NOXO1: variants seen among roughly 807,000 people sequenced by gnomAD.
NOXO1 encodes NADPH oxidase organizer 1.
NOXO1 carries 38 observed loss-of-function variants against 33.3 expected under a neutral mutation model. The ratio of observed to expected loss-of-function variants is 1.14; its 90% CI spans 0.88 to 1.50. The LOEUF is 1.50. Ranked by LOEUF, NOXO1 falls within the 40% of genes most tolerant of loss-of-function variation. NOXO1 has a pLI of 0.00. For synonymous variants in NOXO1, 302 were observed against 237.3 expected (o/e 1.27, Z -2.51); for missense variants, 675 against 527.1 (o/e 1.28, Z -2.75).
In NOXO1 at chr16:1,979,191, A is replaced by G. The variant is rs1405506772; in HGVS notation, c.977T>C (p.Val326Ala). ...GGCGCCCGGCGAAGGTCGGGTGGGC[A>G]CGGTGGGGGGAGGGGCGGTGGCCTG... ...PSQATAPPPT[V>A]PTRPSPGAIQ... Residue 326 changes from valine (V) to alanine (A), a missense_variant, in exon 8 of 8, where the codon GTG (valine) becomes GCG (alanine). Val to Ala is a moderately conservative substitution (Grantham distance 64). Coordinates refer to ENST00000356120, the MANE Select transcript of NOXO1 (RefSeq NM_172167.3). 1.4e-5 allele frequency: 21 copies of G among 1,453,576 alleles called. No homozygotes were observed. The highest frequency in any genetic ancestry group is 1.9e-5 in the Non-Finnish European group (21 of 1,109,736). The allele number at this position is 1,453,576 out of a possible 1,614,324, so 90.0% of individuals were successfully genotyped here. A position where few individuals can be genotyped will look rare whatever the true frequency, so the allele number is the denominator to read the frequency against.
Position 1,979,406 on chromosome 16 carries a change from C to T in NOXO1, c.818+19G>A, listed in dbSNP as rs748459319. 4.4e-6 allele frequency: 7 copies of T among 1,603,018 alleles called. No homozygotes were observed. In the African/African-American group the frequency reaches 9.4e-5, roughly 21 times the overall value. ...CCCGCCTCGGCTAGCCTGCCCTGCC[C>T]ACGCCCGCTCCCGCGTACCTGCATA... On this transcript the variant is annotated intron_variant, in intron 7 of 7. Coordinates refer to ENST00000356120, the MANE Select transcript of NOXO1 (RefSeq NM_172167.3).
At position 1,980,390 on chromosome 16, in the gene NOXO1, C is replaced by T; in HGVS notation, c.378G>A (p.Leu126=). ...ACCTGCCGGGTGGCAGCGCGGGCTC[C>T]AGGTCCAGGGGTTGCGGTGCGAAGA... ...TGFFAPQPLD[L]EPALPPGSRV... The change falls in exon 4 of 8, where the codon CTG becomes CTA. Residue 126 remains leucine (L), a synonymous_variant. Coordinates refer to ENST00000356120, the MANE Select transcript of NOXO1 (RefSeq NM_172167.3). The T allele has an allele frequency of 6.2e-7, 1 of 1,602,478 alleles. No individual in the cohort carries two copies.
chr16:1,981,286 C>G lies in NOXO1; in HGVS notation c.-107G>C. On this transcript the variant is annotated 5_prime_UTR_variant, in exon 1 of 8. Transcript: ENST00000356120. ...CCAGAAAACCCCCTGGGATAGAATCCTGGCAACACCTCAAGCCTGTGGGGT... is the reference window on the plus strand; with the variant it reads ...CCAGAAAACCCCCTGGGATAGAATCGTGGCAACACCTCAAGCCTGTGGGGT... The G allele has an allele frequency of 3.3e-6, 5 of 1,524,458 alleles. No individual in the cohort carries two copies. The highest frequency in any genetic ancestry group is 4.4e-6 in the Non-Finnish European group (5 of 1,138,090). The allele number at this position is 1,524,458 out of a possible 1,614,324, so 94.4% of individuals were successfully genotyped here. A position where few individuals can be genotyped will look rare whatever the true frequency, so the allele number is the denominator to read the frequency against.
At chr16:1,979,925 G>A (rs1325314966) in intron 5 of NOXO1, 22 bp from the exon 6 acceptor site, 2 of 1,576,902 alleles carry the variant, frequency 1.3e-6, no homozygotes, top group East Asian at 4.7e-5. Context: ...AAGCGGGCAG[G>A]GACTCAAATC....
rs1314214543 is a variant in NOXO1, at chr16:1,979,473, G to GC, written c.769dup (p.Ala257GlyfsTer53). The GC allele has an allele frequency of 6.2e-7, 1 of 1,611,644 alleles. No homozygotes were observed. Among genetic ancestry groups the GC allele is most frequent in the African/African-American group, 1.3e-5 (1 of 75,020 alleles). On this transcript the variant is annotated frameshift_variant, in exon 7 of 8. Transcript: ENST00000356120. LOFTEE classifies it low-confidence loss of function (END_TRUNC). ...TGACGTTTCCAACACGCGCACGCGC[G>GC]CCCCCGCGGGCACGGACAGCTCATC...
In NOXO1 at chr16:1,980,130, G is replaced by GC. The variant is rs2083471416; in HGVS notation, c.452dup (p.Arg152ProfsTer26). 1 of 1,606,368 alleles carries GC rather than the reference G, an allele frequency of 6.2e-7. No individual in the cohort carries two copies. Among genetic ancestry groups the GC allele is most frequent in the African/African-American group, 1.3e-5 (1 of 74,896 alleles). On this transcript the variant is annotated frameshift_variant, in exon 5 of 8. Coordinates refer to ENST00000356120, the MANE Select transcript of NOXO1 (RefSeq NM_172167.3). LOFTEE classifies it high-confidence loss of function. ...CCTCCAGACTGTGGATGGAGAGGCG[G>GC]CCCGCAGCGCGAGAAAGAGGCTGCT...
rs761381643 is a variant in NOXO1 at position 1,979,104 on chromosome 16, C to T, written c.1064G>A (p.Gly355Asp). Residue 355 changes from glycine (G) to aspartate (D), a missense_variant, in exon 8 of 8, where the codon GGC (glycine) becomes GAC (aspartate). Coordinates refer to ENST00000356120, the MANE Select transcript of NOXO1 (RefSeq NM_172167.3). ...RALERRPRRQ[G>D]RPRGCVDSVP... ...AGAGTCCACGCACCCTCGAGGGCGG[C>T]CCTGGCGCCGTGGGCGCCGCTCCAG... is the stretch of plus-strand genomic sequence containing the variant. 1.9e-5 allele frequency: 28 copies of T among 1,497,746 alleles called. No homozygotes were observed. The East Asian group carries it at 7.3e-4, about 39-fold the overall frequency. 92.8% of individuals were successfully genotyped at this position (1,497,746 alleles called of 1,614,324 possible). A position where few individuals can be genotyped will look rare whatever the true frequency, so the allele number is the denominator to read the frequency against.
chr16:1,979,381 C>A (rs758278507), intron 7 of NOXO1, 32 bp from the exon 8 acceptor site: 1 of 1,591,856 alleles, frequency 6.3e-7, no homozygotes, highest in East Asian at 2.3e-5. Flanking sequence ...TAGGGCCCCG[C>A]CCGCCTCGGC....
chr16:1,979,577 C>T, intron 6 of NOXO1, 35 bp from the exon 7 acceptor site: 2 of 1,540,784 alleles, frequency 1.3e-6, no homozygotes, highest in South Asian at 1.2e-5. Flanking sequence ...CACCGCGGGG[C>T]CACAGAGGAC....
chr16:1,980,331 C>A lies in NOXO1; in HGVS notation c.401+36G>T, dbSNP rs758101586. ...CCTGGACCTCTCCCAGCTCCAAACG[C>A]CGCTGCATGCTGGGAGTTTGGGGCG... On this transcript the variant is annotated intron_variant, in intron 4 of 7. Coordinates refer to ENST00000356120, the MANE Select transcript of NOXO1 (RefSeq NM_172167.3). 5.7e-6 allele frequency: 9 copies of A among 1,584,400 alleles called. No homozygotes were observed. The African/African-American group carries it at 8.1e-5, about 14-fold the overall frequency.
At chr16:1,980,847 C>T in intron 2 of NOXO1, 92 bp downstream of exon 2, 1 of 1,462,922 alleles carries the variant, frequency 6.8e-7, no homozygotes, top group Non-Finnish European at 9.4e-7. Context: ...GAAGGGCCTC[C>T]AGTGGGAGTC....
chr16:1,980,127 G>A lies in NOXO1; in HGVS notation c.456C>T (p.Arg152=), dbSNP rs778418100. 2 of 1,606,596 alleles carry A rather than the reference G, an allele frequency of 1.2e-6. No homozygotes were observed. The highest frequency in any genetic ancestry group is 2.2e-5 in the South Asian group (2 of 89,962). ...GAGCCTCCAGACTGTGGATGGAGAGGCGGCCCGCAGCGCGAGAAAGAGGCT... is the reference window on the plus strand; with the variant it reads ...GAGCCTCCAGACTGTGGATGGAGAGACGGCCCGCAGCGCGAGAAAGAGGCT... ...EEQPLSRAAG[R]LSIHSLEAQS... is the part of the protein sequence containing the mutation. Residue 152 remains arginine, a synonymous_variant, in exon 5 of 8, where the codon CGC becomes CGT. Transcript: ENST00000356120.
At chr16:1,979,372 A>G in intron 7 of NOXO1, 23 bp from the exon 8 acceptor site, 2 of 1,587,436 alleles carry the variant, frequency 1.3e-6, no homozygotes, top group East Asian at 4.6e-5. Flanking sequence ...GGGTGTGGTT[A>G]GGGCCCCGCC....
Position 1,979,047 on chromosome 16 carries a change from C to G in NOXO1, c.*5G>C. ...CGGTCCATCCCCTCATCGGGATCCT[C>G]GCGCTCACTGCTCCGTCGTGGGGTG... On this transcript the variant is annotated 3_prime_UTR_variant, in exon 8 of 8. Coordinates refer to ENST00000356120, the MANE Select transcript of NOXO1 (RefSeq NM_172167.3). The G allele has an allele frequency of 1.3e-6, 2 of 1,543,922 alleles. No homozygotes were observed. The highest frequency in any genetic ancestry group is 1.7e-6 in the Non-Finnish European group (2 of 1,155,366).
chr16:1,981,102 G>C lies in NOXO1; in HGVS notation c.66+12C>G, dbSNP rs751660064. 1.7e-5 allele frequency: 27 copies of C among 1,612,706 alleles called. No individual in the cohort carries two copies. The highest frequency in any genetic ancestry group is 2.3e-5 in the Non-Finnish European group (27 of 1,179,276). On this transcript the variant is annotated intron_variant, in intron 1 of 7. Transcript: ENST00000356120. ...ATCCCTTGGGGCCACTAAGGACCCA[G>C]CCAGGTCTTACTTGGAGCCTCTTGA...
chr16:1,980,258 C>G, intron 4 of NOXO1, 77 bp from the exon 5 acceptor site: 1 of 1,518,850 alleles, frequency 6.6e-7, no homozygotes, highest in East Asian at 2.3e-5. Flanking sequence ...CCGGCAAGAC[C>G]GCCAGCCTCC....
rs542256990 is a variant in NOXO1, at chr16:1,979,450, A to G, written c.793T>C (p.Ser265Pro). The change falls in exon 7 of 8, where the codon TCA becomes CCA. Residue 265 changes from serine to proline, a missense_variant. By Grantham distance (74) the Ser-to-Pro change is moderately conservative. Coordinates refer to ENST00000356120, the MANE Select transcript of NOXO1 (RefSeq NM_172167.3). The part of the protein sequence containing the change: ...AGARVRVLET[S>P]DRGWWLCRYG... ...CTGCATAGCCACCAGCCGCGGTCTG[A>G]CGTTTCCAACACGCGCACGCGCGCC... The G allele has an allele frequency of 1.1e-5, 17 of 1,611,018 alleles. No homozygotes were observed. Among genetic ancestry groups the G allele is most frequent in the Admixed American group, 5.0e-5 (3 of 59,918 alleles).
chr16:1,979,428 C>T lies in NOXO1; in HGVS notation c.815G>A (p.Cys272Tyr), dbSNP rs2083449916. 1 of 1,608,584 alleles carries T rather than the reference C, an allele frequency of 6.2e-7. No individual in the cohort carries two copies. Among genetic ancestry groups the T allele is most frequent in the East Asian group, 2.2e-5 (1 of 44,802 alleles). ...LETSDRGWWL[C>Y]RYGDRAGLLP... ...GCCCACGCCCGCTCCCGCGTACCTG[C>T]ATAGCCACCAGCCGCGGTCTGACGT... is the stretch of plus-strand genomic sequence containing the variant. The change falls in exon 7 of 8, where the codon TGC (cysteine) becomes TAC (tyrosine). Residue 272 changes from cysteine to tyrosine, a missense_variant. Coordinates refer to ENST00000356120, the MANE Select transcript of NOXO1 (RefSeq NM_172167.3).
rs773860825 is a variant in NOXO1, at chr16:1,979,038, C to T, written c.*14G>A. 9 of 1,540,374 alleles carry T rather than the reference C, an allele frequency of 5.8e-6. No individual in the cohort carries two copies. The highest frequency in any genetic ancestry group is 2.0e-5 in the Admixed American group (1 of 50,376). ...GGGATGGCGCGGTCCATCCCCTCAT[C>T]GGGATCCTCGCGCTCACTGCTCCGT... On this transcript the variant is annotated 3_prime_UTR_variant, in exon 8 of 8. Transcript: ENST00000356120.
Sources: gnomAD v4.1 joint callset for allele counts on GRCh38, gnomAD v4.1.1 for gene constraint, MANE v1.5 for transcripts, NCBI Gene and HGNC (gene_info 2026-07-23, HGNC 2026-07-21) for gene names.